Variants in RBMS3 observed in about 807,000 individuals in gnomAD.
The protein encoded by RBMS3 is RNA-binding motif, single-stranded-interacting protein 3.
A neutral mutation model predicts 66.8 loss-of-function variants in RBMS3; 27 were observed. That is an observed-to-expected ratio of 0.40 (90% CI 0.30 to 0.56). RBMS3 has a LOEUF of 0.56. Among genes scored for constraint, RBMS3 ranks in the 20% least tolerant of loss-of-function variants. The probability of loss-of-function intolerance (pLI) is 0.40; values close to 1 mark genes in which losing one functional copy is unlikely to be tolerated. For synonymous variants in RBMS3, 188 were observed against 183.0 expected (o/e 1.03, Z -0.22); for missense variants, 513 against 549.5 (o/e 0.93, Z 0.66).
intron 1 of RBMS3, among the ~76,000 whole-genome samples, chr3:29,288,578 A>C (rs2032552785): frequency 6.6e-6 from 1 of 151,946 alleles, no homozygotes; most frequent in Non-Finnish European, 1.5e-5. Context: ...TCCTCATTTA[A>C]CTTCCTCTCT....
chr3:29,392,360 T>C (rs766429686), intron 1 of RBMS3, among the ~76,000 whole-genome samples: 3 of 152,222 alleles, frequency 2.0e-5, no homozygotes, highest in Non-Finnish European at 2.9e-5. Context: ...TGAAATAATC[T>C]TATTTTTTGG....
At chr3:29,587,053 C>T in intron 3 of RBMS3, 61 bp from the exon 4 acceptor site, 3 of 1,268,796 alleles carry the variant, frequency 2.4e-6, no homozygotes, top group Non-Finnish European at 3.4e-6. Context: ...TGTACTTCAT[C>T]AGTGAAGATA....
At chr3:29,393,827 T>G (rs2039422706) in intron 1 of RBMS3, among the ~76,000 whole-genome samples, 1 of 152,014 alleles carries the variant, frequency 6.6e-6, no homozygotes, top group South Asian at 2.1e-4. Context: ...ATTAGGGATT[T>G]CGAAAGGGGA....
chr3:29,579,762 T>G (rs951123205), intron 3 of RBMS3, among the ~76,000 whole-genome samples: 1 of 152,184 alleles, frequency 6.6e-6, no homozygotes, highest in East Asian at 1.9e-4. Flanking sequence ...TGCTAGATGG[T>G]TCCCAGAGGT....
At chr3:29,847,825 T>A (rs2058825249) in intron 6 of RBMS3, among the ~76,000 whole-genome samples, 1 of 151,948 alleles carries the variant, frequency 6.6e-6, no homozygotes, top group African/African-American at 2.4e-5. Context: ...CCGGCTAATT[T>A]TCTTGTGTTT....
At chr3:29,972,590 T>A (rs1286520442) in intron 12 of RBMS3, among the ~76,000 whole-genome samples, 1 of 152,064 alleles carries the variant, frequency 6.6e-6, no homozygotes, top group Non-Finnish European at 1.5e-5. Context: ...TAAAAAATAA[T>A]ATCACTGACC....
intron 1 of RBMS3, among the ~76,000 whole-genome samples, chr3:29,282,981 C>G (rs2031944441): frequency 6.6e-6 from 1 of 152,136 alleles, no homozygotes; most frequent in Non-Finnish European, 1.5e-5. Context: ...AAGGTCGACT[C>G]ACACTGCTAT....
rs943579534 is a variant in RBMS3 at position 30,004,120 on chromosome 3, A to T, written c.*258A>T. 3.1e-6 allele frequency: 1 copy of T among 320,754 alleles called. No individual in the cohort carries two copies. Among genetic ancestry groups the T allele is most frequent in the Non-Finnish European group, 5.6e-6 (1 of 177,742 alleles). The allele number at this position is 320,754 out of a possible 1,614,324, so 19.9% of individuals were successfully genotyped here. A position where few individuals can be genotyped will look rare whatever the true frequency, so the allele number is the denominator to read the frequency against. The stretch of plus-strand genomic sequence containing the variant: ...AAAAAATTTCCAGAAGAGGAAAAAA[A>T]AACTACAAAAAACAAAACATTGAAG... On this transcript the variant is annotated 3_prime_UTR_variant, in exon 15 of 15. Coordinates refer to ENST00000383767, the MANE Select transcript of RBMS3 (RefSeq NM_001003793.3).
intron 1 of RBMS3, among the ~76,000 whole-genome samples, chr3:29,319,764 A>C (rs1376977573): frequency 6.6e-6 from 1 of 152,036 alleles, no homozygotes; most frequent in Non-Finnish European, 1.5e-5. Flanking sequence ...ATTCTCCCAG[A>C]TCTAAGTCCA....
intron 4 of RBMS3, among the ~76,000 whole-genome samples, chr3:29,665,010 A>T (rs1166751931): frequency 1.3e-5 from 2 of 152,182 alleles, no homozygotes; most frequent in African/African-American, 2.4e-5. Flanking sequence ...AGAATAGAAG[A>T]ACTTATGAAG....
intron 6 of RBMS3, among the ~76,000 whole-genome samples, chr3:29,848,151 G>C (rs2058836502): frequency 6.6e-6 from 1 of 152,082 alleles, no homozygotes; most frequent in Non-Finnish European, 1.5e-5. Flanking sequence ...AAAGAGAGAG[G>C]GTAGCAGTGC....
chr3:29,898,113 A>G (rs531524979), intron 9 of RBMS3, among the ~76,000 whole-genome samples: 1 of 151,766 alleles, frequency 6.6e-6, no homozygotes, highest in African/African-American at 2.4e-5. Context: ...TTCCAAGTAC[A>G]TAGGTCGATT....
chr3:29,851,291 A>C (rs1258326590), intron 6 of RBMS3, among the ~76,000 whole-genome samples: 3 of 152,184 alleles, frequency 2.0e-5, no homozygotes, highest in African/African-American at 7.2e-5. Flanking sequence ...GAATGAATGA[A>C]TGTTCTTCTG....
At chr3:29,861,269 C>T (rs1037201048) in intron 6 of RBMS3, among the ~76,000 whole-genome samples, 2 of 152,114 alleles carry the variant, frequency 1.3e-5, no homozygotes, top group African/African-American at 4.8e-5. Flanking sequence ...TATAAACTCA[C>T]CTTGAATAAA....
intron 4 of RBMS3, among the ~76,000 whole-genome samples, chr3:29,704,984 A>G (rs7646777): frequency 0.021 from 3,229 of 152,304 alleles, 107 homozygotes; most frequent in African/African-American, 0.072. Flanking sequence ...TCACTGGCAT[A>G]ATTAAACTGT....
At chr3:29,707,187 C>A (rs965337669) in intron 4 of RBMS3, among the ~76,000 whole-genome samples, 4 of 152,074 alleles carry the variant, frequency 2.6e-5, no homozygotes, top group African/African-American at 9.7e-5. Flanking sequence ...ATTTCTGTCC[C>A]CCAAAAACTA....
intron 6 of RBMS3, among the ~76,000 whole-genome samples, chr3:29,772,707 A>G (rs1576760735): frequency 1.3e-5 from 2 of 152,048 alleles, no homozygotes; most frequent in African/African-American, 4.8e-5. Flanking sequence ...AAGACAGGCC[A>G]GGGTAATCAG....
At chr3:29,576,297 C>T (rs998559715) in intron 3 of RBMS3, among the ~76,000 whole-genome samples, 1 of 152,120 alleles carries the variant, frequency 6.6e-6, no homozygotes, top group Non-Finnish European at 1.5e-5. Context: ...TCTCCTTTTC[C>T]TTTACTTTCT....
At chr3:29,392,786 T>C (rs1451172087) in intron 1 of RBMS3, among the ~76,000 whole-genome samples, 2 of 152,034 alleles carry the variant, frequency 1.3e-5, no homozygotes, top group East Asian at 3.9e-4. Context: ...ACATCTATGA[T>C]GGCAAGGATG....
Sources: gnomAD v4.1 joint callset for allele counts (sites outside exome capture counted in the v4.1 genomes callset) on GRCh38, gnomAD v4.1.1 for gene constraint, MANE v1.5 for transcripts, NCBI Gene and HGNC (gene_info 2026-07-23, HGNC 2026-07-21) for gene names.